The following RC3H1 variants were observed in gnomAD, a reference collection of about 807,000 sequenced individuals.
The protein encoded by RC3H1 is ring finger and CCCH-type domains 1, also known as roquin-1.
In RC3H1, 50 loss-of-function variants were observed where a neutral mutation model predicts 138.2. The ratio of observed to expected loss-of-function variants is 0.36; its 90% confidence interval spans 0.29 to 0.46. The LOEUF (loss-of-function observed/expected upper bound fraction) is 0.46, where lower values mean the gene tolerates loss of function less well. RC3H1 is among the 20% of genes least tolerant of loss of function. RC3H1 has a pLI of 1.00. For synonymous variants in RC3H1, 462 were observed against 489.1 expected, an observed-to-expected ratio of 0.94 and a Z score of 0.73; for missense variants, 1,031 against 1,388.1, an observed-to-expected ratio of 0.74 and a Z score of 4.09.
In RC3H1 at chr1:173,948,809, C is replaced by G. The variant is rs1465812917; in HGVS notation, c.2524-1227G>C. ...CTATGTTGCCCAGGCTGGTCTTGAA[C>G]TCCTGGGCTCAAACAATCCTCCCAC... On this transcript the variant is annotated intron_variant, in intron 14 of 19. Transcript: ENST00000367696. Among the ~76,000 whole-genome samples the G allele has an allele frequency of 2.0e-5, 3 of 152,182 alleles. No individual in the cohort carries two copies. The East Asian group carries it at 5.8e-4, about 29-fold the overall frequency.
At chr1:173,993,892 C>T (rs1197199081) in intron 1 of RC3H1, among the ~76,000 whole-genome samples, 4 of 148,990 alleles carry the variant, frequency 2.7e-5, no homozygotes, top group South Asian at 2.1e-4. Context: ...TGGTGGCAGG[C>T]GCCTGTAACC....
chr1:173,974,746 G>A (rs1056812798), intron 7 of RC3H1, among the ~76,000 whole-genome samples: 14 of 152,118 alleles, frequency 9.2e-5, no homozygotes, highest in Non-Finnish European at 2.9e-5. Flanking sequence ...AAGGATACTG[G>A]GTTTTACTCT....
intron 9 of RC3H1, among the ~76,000 whole-genome samples, chr1:173,968,214 T>G (rs1368867788): frequency 6.6e-6 from 1 of 152,242 alleles, no homozygotes; most frequent in African/African-American, 2.4e-5. Flanking sequence ...GTCTAGTTCC[T>G]GTCTAAAACT....
chr1:174,014,104 C>A (rs1185789027), intron 1 of RC3H1, among the ~76,000 whole-genome samples: 4 of 152,092 alleles, frequency 2.6e-5, no homozygotes, highest in Non-Finnish European at 4.4e-5. Flanking sequence ...ATTTTTAGGT[C>A]AATGAAACCA....
intron 13 of RC3H1, among the ~76,000 whole-genome samples, chr1:173,957,606 G>GCC: frequency 6.6e-6 from 1 of 152,238 alleles, no homozygotes; most frequent in South Asian, 2.1e-4. Context: ...CTGGAGTGCA[G>GCC]TAGCACAATC....
intron 3 of RC3H1, among the ~76,000 whole-genome samples, chr1:173,984,281 T>C (rs866969712): frequency 6.6e-6 from 1 of 152,238 alleles, no homozygotes; most frequent in South Asian, 2.1e-4. Context: ...AAAATGAGTT[T>C]AGTTTACAAT....
chr1:173,999,906 C>T (rs879665479), intron 1 of RC3H1, among the ~76,000 whole-genome samples: 15 of 152,264 alleles, frequency 9.9e-5, no homozygotes, highest in Admixed American at 9.2e-4. Flanking sequence ...GAAAGTGGCA[C>T]GACTAAGACT....
intron 2 of RC3H1, among the ~76,000 whole-genome samples, chr1:173,985,636 ATTTTAAATAAAATCTACTCT>A (rs1571223935): frequency 6.6e-6 from 1 of 152,056 alleles, no homozygotes; most frequent in East Asian, 1.9e-4. Context: ...TTTTTTGTAG[ATTTTAAATAAAATCTACTCT>A]TTTAGCAATT....
intron 9 of RC3H1, among the ~76,000 whole-genome samples, chr1:173,967,880 A>AAAAC (rs1030570314): frequency 6.6e-6 from 1 of 152,200 alleles, no homozygotes; most frequent in Non-Finnish European, 1.5e-5. Flanking sequence ...TTAACAACTA[A>AAAAC]AAACAAACAA....
intron 6 of RC3H1, among the ~76,000 whole-genome samples, chr1:173,979,104 T>C (rs890615677): frequency 2.8e-4 from 43 of 152,242 alleles, no homozygotes; most frequent in Admixed American, 2.8e-3. Flanking sequence ...AAATGCTTAA[T>C]GGCCGTGTGT....
chr1:173,958,734 A>G (rs1659747259), intron 13 of RC3H1, among the ~76,000 whole-genome samples: 1 of 152,130 alleles, frequency 6.6e-6, no homozygotes, highest in Non-Finnish European at 1.5e-5. Flanking sequence ...ACAGAAATAC[A>G]AAGAAGTTGA....
chr1:173,983,836 T>G (rs1364687640), intron 3 of RC3H1, among the ~76,000 whole-genome samples, 179 bp from the exon 4 acceptor site: 2 of 152,198 alleles, frequency 1.3e-5, no homozygotes, highest in South Asian at 4.1e-4. Context: ...ATTTTTAAAG[T>G]ATACAAATGT....
rs567347181 is a variant in RC3H1 at position 173,997,851 on chromosome 1, TG to T, written c.-150-4717del. ...AAAAATCACAAGGCAAAGATTTTTT[TG>T]AGACTCAAAGTGTCAGTTAATTGTA... On this transcript the variant is annotated intron_variant, in intron 1 of 19. Transcript: ENST00000367696. 9.2e-5 allele frequency among the ~76,000 whole-genome samples: 14 copies of T among 152,308 alleles called. No homozygotes were observed. The East Asian group carries it at 2.7e-3, about 29-fold the overall frequency.
At chr1:173,967,888 CA>C (rs1660191533) in intron 9 of RC3H1, among the ~76,000 whole-genome samples, 1 of 152,064 alleles carries the variant, frequency 6.6e-6, no homozygotes, top group Admixed American at 6.5e-5. Flanking sequence ...TAAAAACAAA[CA>C]AACAAAAATC....
intron 1 of RC3H1, among the ~76,000 whole-genome samples, chr1:174,007,610 T>A (rs1374615889): frequency 6.6e-6 from 1 of 151,966 alleles, no homozygotes; most frequent in Admixed American, 6.6e-5. Flanking sequence ...ACTATGAGCA[T>A]GGGCCACCAT....
At chr1:173,964,655 C>T (rs911932665) in intron 10 of RC3H1, among the ~76,000 whole-genome samples, 184 bp downstream of exon 10, 2 of 152,148 alleles carry the variant, frequency 1.3e-5, no homozygotes, top group Middle Eastern at 3.4e-3. Context: ...GCATGTGCCA[C>T]CATGCCTGGC....
intron 1 of RC3H1, among the ~76,000 whole-genome samples, chr1:174,010,983 T>TA (rs1181710021): frequency 6.6e-6 from 1 of 152,188 alleles, no homozygotes; most frequent in Non-Finnish European, 1.5e-5. Context: ...GAATAGGTGC[T>TA]ACCACTTCAC....
chr1:173,950,713 T>C (rs942577240), intron 14 of RC3H1, among the ~76,000 whole-genome samples: 1 of 152,002 alleles, frequency 6.6e-6, no homozygotes, highest in Non-Finnish European at 1.5e-5. Flanking sequence ...TCTTGAAAAT[T>C]TTATTTCTTT....
intron 1 of RC3H1, among the ~76,000 whole-genome samples, chr1:174,012,799 A>C (rs965626190): frequency 7.7e-6 from 1 of 130,150 alleles, no homozygotes; most frequent in Non-Finnish European, 1.5e-5. Context: ...AAAAAAAAAG[A>C]AAAGAAAAGA....
Sources: allele counts gnomAD v4.1 joint callset (sites outside exome capture counted in the v4.1 genomes callset), GRCh38; gene constraint gnomAD v4.1.1; transcripts MANE v1.5; gene names NCBI Gene and HGNC (gene_info 2026-07-23, HGNC 2026-07-21).